The following ACSL5 variants were observed in gnomAD, a reference collection of about 807,000 sequenced individuals.
ACSL5 encodes the protein acyl-CoA synthetase long chain family member 5, also known as long-chain-fatty-acid--CoA ligase 5.
Under a neutral mutation model 84.9 loss-of-function variants are expected in ACSL5, and 50 were observed. The ratio of observed to expected loss-of-function variants is 0.59; its 90% CI spans 0.47 to 0.75. The LOEUF (loss-of-function observed/expected upper bound fraction) is 0.75. ACSL5 is among the 30% of genes least tolerant of loss of function. The pLI, the probability that ACSL5 is intolerant of heterozygous loss-of-function variation, is 0.00. For missense variants in ACSL5, 775 were observed against 830.4 expected, an observed-to-expected ratio of 0.93 and a Z score of 0.82; for synonymous variants, 280 against 300.7, an observed-to-expected ratio of 0.93 and a Z score of 0.71.
intron 7 of ACSL5, 83 bp downstream of exon 7, chr10:112,409,768 G>A (rs1844137542): frequency 7.1e-7 from 1 of 1,414,392 alleles, no homozygotes; most frequent in African/African-American, 1.4e-5. Flanking sequence ...CAAGAGGACA[G>A]TGTTCTTGTT....
At chr10:112,419,584 T>G (rs1844407269) in intron 14 of ACSL5, 2 of 152,222 alleles carry the variant, frequency 1.3e-5, no homozygotes. Flanking sequence ...CCAAAAAGCA[T>G]TTCCTTGGAA....
At chr10:112,379,081 A>G (rs149960898) in intron 1 of ACSL5, among the ~76,000 whole-genome samples, 2 of 152,308 alleles carry the variant, frequency 1.3e-5, no homozygotes, top group South Asian at 2.1e-4. Context: ...ATGGTTCCCT[A>G]CAACTAGAAG....
intron 1 of ACSL5, among the ~76,000 whole-genome samples, chr10:112,394,337 T>C (rs1843700750): frequency 6.6e-6 from 1 of 152,238 alleles, no homozygotes; most frequent in South Asian, 2.1e-4. Flanking sequence ...GTAATGCTGT[T>C]GATCTCAGAA....
In ACSL5 at chr10:112,428,045, C is replaced by T; in HGVS notation, c.*687C>T. 5.5e-6 allele frequency: 1 copy of T among 180,534 alleles called. No individual in the cohort carries two copies. The highest frequency in any genetic ancestry group is 1.2e-5 in the Non-Finnish European group (1 of 86,840). The allele number at this position is 180,534 out of a possible 1,614,324, so 11.2% of individuals were successfully genotyped here. A position where few individuals can be genotyped will look rare whatever the true frequency, so the allele number is the denominator to read the frequency against. ...TATGACATATTGTCCAAAAGGAATG[C>T]TGTTCTTAAAGCATTATTTACAGTA... is the stretch of plus-strand genomic sequence containing the variant. On this transcript the variant is annotated 3_prime_UTR_variant, in exon 21 of 21. Transcript: ENST00000354655.
chr10:112,411,793 T>C, intron 10 of ACSL5, 109 bp from the exon 11 acceptor site: 3 of 1,060,246 alleles, frequency 2.8e-6, no homozygotes, highest in South Asian at 1.4e-5. Flanking sequence ...GTACCGCCTA[T>C]ACAGCTGTCT....
Position 112,382,645 on chromosome 10 carries a change from C to G in ACSL5, c.-30+8376C>G, listed in dbSNP as rs140323574. On this transcript the variant is annotated intron_variant, in intron 1 of 20. Transcript: ENST00000354655. ...GTGCAATTCAGCAGCAAAGATTTTA[C>G]CAGTGGAGCTGCATCGAACGCCCTA... Among the ~76,000 whole-genome samples, 66 of 152,290 alleles carry G rather than the reference C, an allele frequency of 4.3e-4. 1 individual carries two copies. The highest frequency in any genetic ancestry group is 1.5e-3 in the African/African-American group (63 of 41,558).
intron 1 of ACSL5, 109 bp from the exon 2 acceptor site, chr10:112,394,809 C>T (rs561348695): frequency 5.2e-5 from 78 of 1,504,212 alleles, no homozygotes; most frequent in African/African-American, 2.1e-4. Flanking sequence ...GGCGTGCGCG[C>T]GTGTGTGTGT....
intron 10 of ACSL5, 123 bp from the exon 11 acceptor site, chr10:112,411,779 C>A: frequency 1.1e-6 from 1 of 949,308 alleles, no homozygotes; most frequent in Non-Finnish European, 1.6e-6. Flanking sequence ...CAGATCTACA[C>A]AGTGTACCGC....
chr10:112,380,092 T>TG (rs1442278799), intron 1 of ACSL5, among the ~76,000 whole-genome samples: 1 of 152,142 alleles, frequency 6.6e-6, no homozygotes, highest in African/African-American at 2.4e-5. Context: ...GGATGCCCTT[T>TG]GGGGGTGTTA....
At chr10:112,383,794 G>A (rs1849396771) in intron 1 of ACSL5, among the ~76,000 whole-genome samples, 1 of 133,090 alleles carries the variant, frequency 7.5e-6, no homozygotes, top group Non-Finnish European at 1.6e-5. Flanking sequence ...GGGATTATAT[G>A]GAGCTGTTCA....
In ACSL5 at chr10:112,425,487, A is replaced by G. The variant is rs1589703785; in HGVS notation, c.1737+6A>G. 1.3e-6 allele frequency: 2 copies of G among 1,598,388 alleles called. No individual in the cohort carries two copies. Among genetic ancestry groups the G allele is most frequent in the Non-Finnish European group, 8.5e-7 (1 of 1,173,102 alleles). On this transcript the variant is annotated splice_donor_region_variant and intron_variant, in intron 18 of 20. Coordinates refer to ENST00000354655, the MANE Select transcript of ACSL5 (RefSeq NM_203379.2). Reference sequence around the variant, plus strand: ...TACACGGGGAGAGCTTACGGGTAATATATCATTTTAACAATAGCCCATTTC... The same window carrying G: ...TACACGGGGAGAGCTTACGGGTAATGTATCATTTTAACAATAGCCCATTTC...
At chr10:112,414,549 G>A (rs1196283270) in intron 12 of ACSL5, among the ~76,000 whole-genome samples, 1 of 151,598 alleles carries the variant, frequency 6.6e-6, no homozygotes. Flanking sequence ...GTAGAGATGG[G>A]GTTTCACCAT....
rs1265483772 is a variant in ACSL5 at position 112,404,551 on chromosome 10, C to T, written c.306C>T (p.Pro102=). The change falls in exon 4 of 21, where the codon CCC becomes CCT. Residue 102 remains proline (P), a synonymous_variant. Coordinates refer to ENST00000354655, the MANE Select transcript of ACSL5 (RefSeq NM_203379.2). ...TGGGATATAGAAAACCAAACCAGCC[C>T]TACAGATGGCTATCTTACAAACAGG... The part of the protein sequence containing the change: ...PCLGYRKPNQ[P]YRWLSYKQVS... The T allele has an allele frequency of 6.2e-7, 1 of 1,613,574 alleles. No individual in the cohort carries two copies. The highest frequency in any genetic ancestry group is 8.5e-7 in the Non-Finnish European group (1 of 1,179,674).
At chr10:112,414,564 G>A (rs1274649218) in intron 12 of ACSL5, among the ~76,000 whole-genome samples, 1 of 151,826 alleles carries the variant, frequency 6.6e-6, no homozygotes, top group Non-Finnish European at 1.5e-5. Flanking sequence ...CACCATATTG[G>A]CCAGGCTGGT....
At chr10:112,386,181 CTTTTTTTTTTTTTTTT>C (rs11286757) in intron 1 of ACSL5, among the ~76,000 whole-genome samples, 5 of 71,794 alleles carry the variant, frequency 7.0e-5, no homozygotes, top group African/African-American at 2.3e-4. Flanking sequence ...TCCTATAGCT[CTTTTTTTTTTTTTTTT>C]TTTTTTTTTT....
chr10:112,401,839 T>C (rs12769961), intron 3 of ACSL5, among the ~76,000 whole-genome samples: 4,596 of 91,736 alleles, frequency 0.05, 49 homozygotes, highest in African/African-American at 0.07. Flanking sequence ...TTTCTTTCTT[T>C]CTTCCTTCCT....
chr10:112,427,418 A>G lies in ACSL5; in HGVS notation c.*60A>G. 6.8e-7 allele frequency: 1 copy of G among 1,464,154 alleles called. No individual in the cohort carries two copies. Among genetic ancestry groups the G allele is most frequent in the Admixed American group, 2.4e-5 (1 of 41,310 alleles). 90.7% of individuals were successfully genotyped at this position (1,464,154 alleles called of 1,614,324 possible). Reference sequence around the variant, plus strand: ...CACTGCTTGTGAGAAAATGGATTAAAAACTATTCTTACATTTGTTTTGCCT... The same window carrying G: ...CACTGCTTGTGAGAAAATGGATTAAGAACTATTCTTACATTTGTTTTGCCT... On this transcript the variant is annotated 3_prime_UTR_variant, in exon 21 of 21. Coordinates refer to ENST00000354655, the MANE Select transcript of ACSL5 (RefSeq NM_203379.2).
chr10:112,410,428 T>C (rs768572825), intron 7 of ACSL5, 35 bp from the exon 8 acceptor site: 8 of 1,613,528 alleles, frequency 5.0e-6, no homozygotes, highest in Non-Finnish European at 6.8e-6. Context: ...CCATCTCAAC[T>C]AATGTCTTTC....
chr10:112,417,574 A>G (rs899834550), intron 13 of ACSL5, among the ~76,000 whole-genome samples: 3 of 152,074 alleles, frequency 2.0e-5, no homozygotes, highest in African/African-American at 7.2e-5. Flanking sequence ...TGTTGAGATT[A>G]TAAGCAATTT....
Sources: allele counts gnomAD v4.1 joint callset (sites outside exome capture counted in the v4.1 genomes callset), GRCh38; gene constraint gnomAD v4.1.1; transcripts MANE v1.5; gene names NCBI Gene and HGNC (gene_info 2026-07-23, HGNC 2026-07-21).